Variants in PGR observed in about 807,000 individuals in gnomAD.
PGR encodes the protein nuclear receptor subfamily 3 group C member 3.
Under a neutral mutation model 76.1 loss-of-function variants are expected in PGR, and 25 were observed. That is an observed-to-expected ratio of 0.33 (90% CI 0.24 to 0.46). PGR has a LOEUF of 0.46. PGR is among the 20% of genes least tolerant of loss of function. The pLI is 1.00. For synonymous variants in PGR, 579 were observed against 535.0 expected (o/e 1.08, Z -1.14); for missense variants, 1,172 against 1,225.3 (o/e 0.96, Z 0.65).
chr11:101,038,888 G>T lies in PGR; in HGVS notation c.*228C>A. 1 of 438,550 alleles carries T rather than the reference G, an allele frequency of 2.3e-6. No individual in the cohort carries two copies. 27.2% of individuals were successfully genotyped at this position (438,550 alleles called of 1,614,324 possible). On this transcript the variant is annotated 3_prime_UTR_variant, in exon 8 of 8. Coordinates refer to ENST00000325455, the MANE Select transcript of PGR (RefSeq NM_000926.4). ...ACAATTTTAGTACTTTTTCAATCTT[G>T]TAAATTCTTCAAGAAAATATGGGTA...
chr11:101,052,178 G>A (rs1753471674), intron 4 of PGR, among the ~76,000 whole-genome samples: 1 of 151,870 alleles, frequency 6.6e-6, no homozygotes, highest in African/African-American at 2.4e-5. Flanking sequence ...AACTATGTCG[G>A]GTAGATTCCA....
At chr11:101,123,830 T>C (rs979971612) in intron 2 of PGR, among the ~76,000 whole-genome samples, 7 of 152,220 alleles carry the variant, frequency 4.6e-5, no homozygotes, top group Admixed American at 1.3e-4. Context: ...AGAATCTTTA[T>C]TTAGATGTTT....
At chr11:101,109,713 C>A (rs955959499) in intron 2 of PGR, among the ~76,000 whole-genome samples, 8 of 152,320 alleles carry the variant, frequency 5.3e-5, no homozygotes, top group Middle Eastern at 6.8e-3. Flanking sequence ...TCCAAAAGAT[C>A]TAGCTAAGCC....
chr11:101,079,848 C>T (rs1017133278), intron 3 of PGR, among the ~76,000 whole-genome samples: 7 of 152,166 alleles, frequency 4.6e-5, no homozygotes, highest in African/African-American at 1.7e-4. Flanking sequence ...GTCATTTACC[C>T]CTCCTGTGTA....
rs1451444749 is a variant in PGR, at chr11:101,050,066, TCACA to T, written c.2358-11_2358-8del. 6.2e-7 allele frequency: 1 copy of T among 1,612,060 alleles called. No individual in the cohort carries two copies. The highest frequency in any genetic ancestry group is 1.1e-5 in the South Asian group (1 of 91,028). ...TGATTCTTTCATCCGCTGTCTTGCA[TCACA>T]CACAATACACAAAAGAAAAAGCAAC... On this transcript the variant is annotated splice_polypyrimidine_tract_variant and splice_region_variant and intron_variant, in intron 5 of 7. Transcript: ENST00000325455.
At chr11:101,070,353 C>T (rs556088818) in intron 3 of PGR, among the ~76,000 whole-genome samples, 26 of 152,252 alleles carry the variant, frequency 1.7e-4, no homozygotes, top group Middle Eastern at 6.8e-3. Flanking sequence ...CCCTTGGGTG[C>T]CTAAATCACC....
chr11:101,039,780 A>C (rs1859637589), intron 7 of PGR, among the ~76,000 whole-genome samples: 1 of 152,064 alleles, frequency 6.6e-6, no homozygotes, highest in Non-Finnish European at 1.5e-5. Context: ...CAAAAACAGC[A>C]GCAGCAGCAG....
At chr11:101,102,849 G>C (rs934452976) in intron 2 of PGR, among the ~76,000 whole-genome samples, 3 of 149,644 alleles carry the variant, frequency 2.0e-5, no homozygotes, top group South Asian at 2.1e-4. Flanking sequence ...CCACGGACTG[G>C]GGGCAGTGAG....
At position 101,032,129 on chromosome 11, in the gene PGR, G is replaced by A. The variant is rs1859372733; in HGVS notation, c.*6987C>T. The A allele has an allele frequency of 8.6e-6, 2 of 232,770 alleles. No individual in the cohort carries two copies. The highest frequency in any genetic ancestry group is 3.6e-4 in the South Asian group (2 of 5,530). 14.4% of individuals were successfully genotyped at this position (232,770 alleles called of 1,614,324 possible). On this transcript the variant is annotated 3_prime_UTR_variant, in exon 8 of 8. Coordinates refer to ENST00000325455, the MANE Select transcript of PGR (RefSeq NM_000926.4). ...GCAAAATAATTAGACATCTGGCCTT[G>A]TGTTTGACAATTTATATGGTGTATT...
chr11:101,077,377 C>T (rs2135433948), intron 3 of PGR, among the ~76,000 whole-genome samples: 1 of 152,260 alleles, frequency 6.6e-6, no homozygotes, highest in Non-Finnish European at 1.5e-5. Flanking sequence ...CAGATCAAAA[C>T]ACAGTGTGCC....
Position 101,093,270 on chromosome 11 carries a change from G to A in PGR, c.1790-1394C>T, listed in dbSNP as rs553613345. Among the ~76,000 whole-genome samples, 15 of 152,018 alleles carry A rather than the reference G, an allele frequency of 9.9e-5. No homozygotes were observed. In the South Asian group the frequency reaches 2.9e-3, roughly 29 times the overall value. The stretch of plus-strand genomic sequence containing the variant: ...GCACATAGTGCCAGTCCTACAGGAG[G>A]TTAGCAGAGTGTACTGCATACTACT... On this transcript the variant is annotated intron_variant, in intron 2 of 7. Transcript: ENST00000325455.
At chr11:101,044,339 T>C (rs768731298) in intron 6 of PGR, among the ~76,000 whole-genome samples, 27 of 152,186 alleles carry the variant, frequency 1.8e-4, no homozygotes, top group Admixed American at 2.0e-4. Flanking sequence ...TACATCTCTT[T>C]GCCTTCCTAG....
rs778346200 is a variant in PGR, at chr11:101,127,612, C to A, written c.1459G>T (p.Gly487Cys). The A allele has an allele frequency of 8.4e-6, 11 of 1,304,334 alleles. No individual in the cohort carries two copies. The highest frequency in any genetic ancestry group is 1.1e-5 in the Non-Finnish European group (11 of 1,035,822). The allele number at this position is 1,304,334 out of a possible 1,614,324, so 80.8% of individuals were successfully genotyped here. A position where few individuals can be genotyped will look rare whatever the true frequency, so the allele number is the denominator to read the frequency against. ...AGGCCGTCCCGCGGGAGCAGGCAGC[C>A]GCTCGCGCCCGGCGCCTTGCAGGGC... ...PPPCKAPGAS[G>C]CLLPRDGLPS... is the part of the protein sequence containing the mutation. The change falls in exon 1 of 8, where the codon GGC becomes TGC. Residue 487 changes from glycine (G) to cysteine (C), a missense_variant. By Grantham distance (159) the Gly-to-Cys change is radical. This residue lies in a region of PGR where 893 missense variants were observed against 785.9 expected (regional missense o/e 1.14). Coordinates refer to ENST00000325455, the MANE Select transcript of PGR (RefSeq NM_000926.4).
At chr11:101,103,631 T>C (rs918583421) in intron 2 of PGR, among the ~76,000 whole-genome samples, 2 of 152,188 alleles carry the variant, frequency 1.3e-5, no homozygotes, top group African/African-American at 4.8e-5. Context: ...CTGATGGAAT[T>C]TTTGCCAATC....
Position 101,030,086 on chromosome 11 carries a change from G to A in PGR, c.*9030C>T, listed in dbSNP as rs1271051452. The A allele has an allele frequency of 4.6e-6, 1 of 218,902 alleles. No individual in the cohort carries two copies. Among genetic ancestry groups the A allele is most frequent in the East Asian group, 6.7e-5 (1 of 14,900 alleles). The allele number at this position is 218,902 out of a possible 1,614,324, so 13.6% of individuals were successfully genotyped here. The stretch of plus-strand genomic sequence containing the variant: ...GACTTTAGATTCAAGAAGTATATGG[G>A]GCTAAATATCTTTAAAAGTATAACT... On this transcript the variant is annotated 3_prime_UTR_variant, in exon 8 of 8. Transcript: ENST00000325455.
chr11:101,069,731 C>A (rs1181790299), intron 3 of PGR, among the ~76,000 whole-genome samples: 4 of 151,958 alleles, frequency 2.6e-5, no homozygotes, highest in Non-Finnish European at 5.9e-5. Flanking sequence ...AAGCTGGAAA[C>A]CATTCTTAGT....
In PGR at chr11:101,036,455, T is replaced by C. The variant is rs1454147208; in HGVS notation, c.*2661A>G. On this transcript the variant is annotated 3_prime_UTR_variant, in exon 8 of 8. Transcript: ENST00000325455. ...AGTAACCTTCAAGTATTTCCTGATA[T>C]GTAACCTGTCTTCTTATGATTTAGT... The C allele has an allele frequency of 1.0e-5, 2 of 200,312 alleles. No homozygotes were observed. Among genetic ancestry groups the C allele is most frequent in the South Asian group, 1.9e-4 (1 of 5,256 alleles). 12.4% of individuals were successfully genotyped at this position (200,312 alleles called of 1,614,324 possible). A position where few individuals can be genotyped will look rare whatever the true frequency, so the allele number is the denominator to read the frequency against.
Position 101,049,990 on chromosome 11 carries a change from G to C in PGR, c.2427C>G (p.Val809=). The part of the protein sequence containing the change: ...LTMWQIPQEF[V]KLQVSQEEFL... ...ACTCTTCTTGGCTAACTTGAAGCTT[G>C]ACAAACTCCTGTGGGATCTGCCACA... Residue 809 remains valine, a synonymous_variant, in exon 6 of 8, where the codon GTC becomes GTG. Transcript: ENST00000325455. 1 of 1,612,400 alleles carries C rather than the reference G, an allele frequency of 6.2e-7. No individual in the cohort carries two copies. Among genetic ancestry groups the C allele is most frequent in the Non-Finnish European group, 8.5e-7 (1 of 1,178,914 alleles).
At position 101,039,903 on chromosome 11, in the gene PGR, T is replaced by G. The variant is rs537163027; in HGVS notation, c.2647-632A>C. Among the ~76,000 whole-genome samples the G allele has an allele frequency of 3.3e-5, 5 of 152,108 alleles. No individual in the cohort carries two copies. In the East Asian group the frequency reaches 7.7e-4, roughly 24 times the overall value. On this transcript the variant is annotated intron_variant, in intron 7 of 7. Coordinates refer to ENST00000325455, the MANE Select transcript of PGR (RefSeq NM_000926.4). ...CCTGTGTCTTTTGATATTTCTATATTTCCACTAAAGTTAGTTTTAGTTTCT... is the reference window on the plus strand; with the variant it reads ...CCTGTGTCTTTTGATATTTCTATATGTCCACTAAAGTTAGTTTTAGTTTCT...
Sources: gnomAD v4.1 joint callset for allele counts (sites outside exome capture counted in the v4.1 genomes callset) on GRCh38, gnomAD v4.1.1 for gene constraint, gnomAD v4.1.1 regional missense constraint, MANE v1.5 for transcripts, NCBI Gene and HGNC (gene_info 2026-07-23, HGNC 2026-07-21) for gene names.